C11orf65: variants seen among roughly 807,000 people sequenced by gnomAD.
C11orf65 encodes protein MFI.
A neutral mutation model predicts 35.3 loss-of-function variants in C11orf65; 38 were observed. The ratio of observed to expected loss-of-function variants is 1.08; its 90% confidence interval spans 0.83 to 1.41. C11orf65 has a LOEUF of 1.41. Among genes scored for constraint, C11orf65 ranks in the 40% most tolerant of loss-of-function variants. C11orf65 has a pLI of 0.00. For missense variants in C11orf65, 370 were observed against 367.1 expected, an observed-to-expected ratio of 1.01 and a Z score of -0.06; for synonymous variants, 105 against 114.4, an observed-to-expected ratio of 0.92 and a Z score of 0.53.
intron 2 of C11orf65, 148 bp from the exon 3 acceptor site, chr11:108,431,986 G>T: frequency 2.2e-6 from 1 of 446,126 alleles, no homozygotes; most frequent in Non-Finnish European, 4.0e-6. Flanking sequence ...TATGCACTCA[G>T]GGTTTGCTTT....
At chr11:108,343,097 A>G (rs1366656281) in intron 2 of C11orf65, 22 of 1,243,352 alleles carry the variant, frequency 1.8e-5, no homozygotes, top group Admixed American at 7.0e-5. Flanking sequence ...TTTGTCTTCT[A>G]TGGACAGAGA....
chr11:108,393,276 C>T lies in C11orf65; in HGVS notation c.663G>A (p.Gly221=). The T allele has an allele frequency of 6.2e-7, 1 of 1,614,014 alleles. No homozygotes were observed. The highest frequency in any genetic ancestry group is 8.5e-7 in the Non-Finnish European group (1 of 1,179,950). Residue 221 remains glycine (G), a synonymous_variant, in exon 7 of 9, where the codon GGG becomes GGA. Transcript: ENST00000393084. ...KGLIRAFEDG[G]IDSVMEWEVD... Reference sequence around the variant, plus strand: ...CTTCCCATTCCATCACAGAATCTATCCCCCCATCTTCAAAAGCTCTAATCA... The same window carrying T: ...CTTCCCATTCCATCACAGAATCTATTCCCCCATCTTCAAAAGCTCTAATCA...
chr11:108,396,894 T>A (rs2092323870), intron 6 of C11orf65, among the ~76,000 whole-genome samples: 1 of 149,892 alleles, frequency 6.7e-6, no homozygotes, highest in African/African-American at 2.5e-5. Flanking sequence ...TAGTTACTAT[T>A]ATAATTAAAT....
At chr11:108,343,504 G>A in intron 2 of C11orf65, 1 of 1,065,018 alleles carries the variant, frequency 9.4e-7, no homozygotes, top group Non-Finnish European at 1.4e-6. Flanking sequence ...CTAAGTAAAA[G>A]AAAAACTCAT....
At chr11:108,444,972 C>G (rs528020624) in intron 2 of C11orf65, among the ~76,000 whole-genome samples, 1 of 152,162 alleles carries the variant, frequency 6.6e-6, no homozygotes, top group African/African-American at 2.4e-5. Context: ...ACACATGGCT[C>G]GGAGGGTCCT....
chr11:108,390,292 G>C (rs1414252416), intron 7 of C11orf65, among the ~76,000 whole-genome samples: 1 of 152,156 alleles, frequency 6.6e-6, no homozygotes, highest in Non-Finnish European at 1.5e-5. Flanking sequence ...CCAAAGTGCT[G>C]GGATTACAGG....
chr11:108,396,103 T>C (rs1245781270), intron 6 of C11orf65, among the ~76,000 whole-genome samples: 2 of 151,938 alleles, frequency 1.3e-5, no homozygotes, highest in South Asian at 2.1e-4. Flanking sequence ...TTTAAACGGA[T>C]AATGATCCAT....
At chr11:108,400,268 T>C (rs1033922540) in intron 6 of C11orf65, among the ~76,000 whole-genome samples, 1 of 152,246 alleles carries the variant, frequency 6.6e-6, no homozygotes, top group Non-Finnish European at 1.5e-5. Context: ...TTTGAAAGGA[T>C]ATCTCAAATG....
At chr11:108,427,701 G>A (rs1191271202) in intron 3 of C11orf65, among the ~76,000 whole-genome samples, 13 of 86,516 alleles carry the variant, frequency 1.5e-4, no homozygotes, top group African/African-American at 5.8e-4. Flanking sequence ...CAGCCTGGGC[G>A]ACAGAGCGAA....
At chr11:108,435,477 A>G (rs1243081204) in intron 2 of C11orf65, among the ~76,000 whole-genome samples, 1 of 152,244 alleles carries the variant, frequency 6.6e-6, no homozygotes, top group Non-Finnish European at 1.5e-5. Context: ...ATTCTGTAAG[A>G]AAAGTTAATG....
intron 6 of C11orf65, 69 bp downstream of exon 6, chr11:108,405,360 A>C: frequency 2.0e-6 from 3 of 1,505,670 alleles, no homozygotes; most frequent in African/African-American, 1.4e-5. Flanking sequence ...GAGGAGCAAT[A>C]CCTCATTTCA....
At chr11:108,336,684 A>G (rs4988137) in intron 2 of C11orf65, among the ~76,000 whole-genome samples, 22 of 152,206 alleles carry the variant, frequency 1.4e-4, no homozygotes, top group Non-Finnish European at 2.5e-4. Context: ...TGGATTTCCA[A>G]AAGTTGGATT....
chr11:108,353,391 A>C (rs1489624815), intron 2 of C11orf65, among the ~76,000 whole-genome samples: 1 of 152,098 alleles, frequency 6.6e-6, no homozygotes, highest in Admixed American at 6.6e-5. Flanking sequence ...CTCAGGTGTC[A>C]GGCCTCCTCA....
At chr11:108,348,412 T>C (rs988229499) in intron 2 of C11orf65, among the ~76,000 whole-genome samples, 1 of 150,986 alleles carries the variant, frequency 6.6e-6, no homozygotes, top group Non-Finnish European at 1.5e-5. Flanking sequence ...TATGTATATA[T>C]ATAGACAGTT....
At chr11:108,386,011 C>A in intron 7 of C11orf65, 36 bp from the exon 8 acceptor site, 1 of 1,552,140 alleles carries the variant, frequency 6.4e-7, no homozygotes, top group South Asian at 1.1e-5. Context: ...TAAATTTAAT[C>A]GATTCATTAG....
At chr11:108,334,446 T>C (rs2136634164) in intron 3 of C11orf65, among the ~76,000 whole-genome samples, 1 of 152,344 alleles carries the variant, frequency 6.6e-6, no homozygotes, top group African/African-American at 2.4e-5. Context: ...TATTCTTTTA[T>C]TGCAAGAAAT....
chr11:108,417,731 C>T (rs765787453), intron 3 of C11orf65, among the ~76,000 whole-genome samples: 3 of 151,538 alleles, frequency 2.0e-5, no homozygotes, highest in Non-Finnish European at 4.4e-5. Flanking sequence ...AACACATGGA[C>T]ACAGGGAGGG....
chr11:108,464,356 G>A (rs1251638002), intron 1 of C11orf65, among the ~76,000 whole-genome samples: 1 of 152,040 alleles, frequency 6.6e-6, no homozygotes, highest in Non-Finnish European at 1.5e-5. Context: ...GAATGCAGTG[G>A]AGCGATTTTG....
chr11:108,435,038 T>A (rs2093042462), intron 2 of C11orf65, among the ~76,000 whole-genome samples: 1 of 152,204 alleles, frequency 6.6e-6, no homozygotes, highest in South Asian at 2.1e-4. Context: ...TCCTCTATGT[T>A]GTAGTAGATG....
Sources: gnomAD v4.1 joint callset for allele counts (sites outside exome capture counted in the v4.1 genomes callset) on GRCh38, gnomAD v4.1.1 for gene constraint, MANE v1.5 for transcripts, NCBI Gene and HGNC (gene_info 2026-07-23, HGNC 2026-07-21) for gene names.